The following CNTN4 variants were observed in gnomAD, a reference collection of about 807,000 sequenced individuals.
CNTN4 encodes the protein contactin-4.
CNTN4 carries 77 observed loss-of-function variants against 122.5 expected under a neutral mutation model. The ratio of observed to expected loss-of-function variants is 0.63; its 90% CI spans 0.52 to 0.76. The LOEUF (loss-of-function observed/expected upper bound fraction) is 0.76. CNTN4 is among the 30% of genes least tolerant of loss of function. The pLI, the probability that CNTN4 is intolerant of heterozygous loss-of-function variation, is 0.00. For missense variants in CNTN4, 1,256 were observed against 1,259.1 expected (o/e 1.00, Z 0.04); for synonymous variants, 512 against 447.0 (o/e 1.15, Z -1.83).
chr3:2,556,661 C>CATACGT (rs60495386), intron 3 of CNTN4, among the ~76,000 whole-genome samples: 1 of 151,768 alleles, frequency 6.6e-6, no homozygotes, highest in Non-Finnish European at 1.5e-5. Context: ...CACACACAAA[C>CATACGT]ATATAAAAAT....
intron 2 of CNTN4, among the ~76,000 whole-genome samples, chr3:2,165,700 C>G (rs947026062): frequency 6.6e-6 from 1 of 152,028 alleles, no homozygotes; most frequent in Non-Finnish European, 1.5e-5. Context: ...TACCCCCACA[C>G]CTGCCCCCTG....
At chr3:2,338,678 CAATT>C (rs2044058469) in intron 2 of CNTN4, among the ~76,000 whole-genome samples, 1 of 151,964 alleles carries the variant, frequency 6.6e-6, no homozygotes, top group African/African-American at 2.4e-5. Context: ...AATTATTTCA[CAATT>C]AAAGTTTAAG....
intron 2 of CNTN4, among the ~76,000 whole-genome samples, chr3:2,214,526 AACAG>A (rs1310211817): frequency 2.0e-5 from 3 of 152,166 alleles, no homozygotes; most frequent in Admixed American, 6.5e-5. Flanking sequence ...ATGGTAGCAA[AACAG>A]ACAGTTTCTC....
chr3:2,185,668 C>T (rs920074417), intron 2 of CNTN4, among the ~76,000 whole-genome samples: 11 of 152,118 alleles, frequency 7.2e-5, no homozygotes, highest in African/African-American at 2.7e-4. Context: ...AGAGTTTTAA[C>T]TAAGAAGAAA....
chr3:2,787,755 T>G (rs2091883304), intron 6 of CNTN4, among the ~76,000 whole-genome samples: 1 of 151,986 alleles, frequency 6.6e-6, no homozygotes, highest in Admixed American at 6.6e-5. Context: ...CAAAGTGTAC[T>G]TATCACACAG....
intron 3 of CNTN4, among the ~76,000 whole-genome samples, chr3:2,351,964 C>T (rs931510533): frequency 6.6e-5 from 10 of 152,252 alleles, no homozygotes; most frequent in African/African-American, 2.4e-4. Context: ...TTTCAAATGT[C>T]TCACCACAAA....
intron 13 of CNTN4, among the ~76,000 whole-genome samples, chr3:2,956,483 A>T (rs938518723): frequency 1.3e-5 from 2 of 152,150 alleles, no homozygotes; most frequent in African/African-American, 4.8e-5. Flanking sequence ...GATATAAAAA[A>T]TGGAAAATAG....
At chr3:2,954,101 A>G (rs368726377) in intron 13 of CNTN4, among the ~76,000 whole-genome samples, 1 of 152,208 alleles carries the variant, frequency 6.6e-6, no homozygotes, top group East Asian at 1.9e-4. Context: ...ATTTATTTAG[A>G]TGTCACACAA....
intron 4 of CNTN4, among the ~76,000 whole-genome samples, chr3:2,655,998 A>G (rs2083571767): frequency 6.6e-6 from 1 of 152,226 alleles, no homozygotes; most frequent in South Asian, 2.1e-4. Context: ...TCTGATAATT[A>G]GAGATATCTC....
chr3:2,798,532 C>T (rs1291714994), intron 6 of CNTN4, among the ~76,000 whole-genome samples: 5 of 152,000 alleles, frequency 3.3e-5, no homozygotes, highest in African/African-American at 4.8e-5. Context: ...CTTTTTGAGA[C>T]AGGGTCACAC....
chr3:2,583,180 GA>G (rs1372285499), intron 4 of CNTN4, among the ~76,000 whole-genome samples: 1 of 152,218 alleles, frequency 6.6e-6, no homozygotes, highest in African/African-American at 2.4e-5. Context: ...AGCTAGAGAA[GA>G]AAGCTTTGCT....
chr3:2,219,640 T>C (rs2038984325), intron 2 of CNTN4, among the ~76,000 whole-genome samples: 1 of 152,166 alleles, frequency 6.6e-6, no homozygotes. Flanking sequence ...ATATCTACAA[T>C]AAAATATAAT....
At chr3:2,626,911 C>T (rs1173888320) in intron 4 of CNTN4, among the ~76,000 whole-genome samples, 1 of 152,198 alleles carries the variant, frequency 6.6e-6, no homozygotes, top group Non-Finnish European at 1.5e-5. Context: ...GGATGCCATG[C>T]AAGGGCAGTA....
At chr3:2,187,835 C>T (rs1267123990) in intron 2 of CNTN4, among the ~76,000 whole-genome samples, 2 of 152,226 alleles carry the variant, frequency 1.3e-5, no homozygotes, top group Admixed American at 6.5e-5. Context: ...TTTGAGTCTG[C>T]CTCTGAAACA....
chr3:2,230,779 G>A (rs190602571), intron 2 of CNTN4, among the ~76,000 whole-genome samples: 10 of 152,158 alleles, frequency 6.6e-5, no homozygotes, highest in Non-Finnish European at 1.5e-4. Flanking sequence ...GAGCCCAGGA[G>A]TTCGAGACCA....
chr3:2,365,965 A>G (rs2045359712), intron 3 of CNTN4, among the ~76,000 whole-genome samples: 1 of 152,222 alleles, frequency 6.6e-6, no homozygotes, highest in South Asian at 2.1e-4. Flanking sequence ...CAGTGGAGCA[A>G]TTTAACTTTG....
intron 3 of CNTN4, among the ~76,000 whole-genome samples, chr3:2,417,963 C>T (rs537718766): frequency 2.2e-4 from 34 of 152,098 alleles, no homozygotes; most frequent in Admixed American, 1.7e-3. Context: ...TAAAAAGATC[C>T]GTGGTTGCCA....
intron 8 of CNTN4, among the ~76,000 whole-genome samples, chr3:2,870,597 G>C (rs1426389362): frequency 2.0e-5 from 3 of 152,132 alleles, no homozygotes; most frequent in Non-Finnish European, 4.4e-5. Flanking sequence ...CTGTATATTA[G>C]ACTGGTAAGT....
chr3:2,752,478 G>T (rs1274939762), intron 6 of CNTN4, among the ~76,000 whole-genome samples: 1 of 152,122 alleles, frequency 6.6e-6, no homozygotes, highest in Non-Finnish European at 1.5e-5. Flanking sequence ...CGATTTTACT[G>T]CCTCAGCCTC....
Sources: gnomAD v4.1 joint callset for allele counts (sites outside exome capture counted in the v4.1 genomes callset) on GRCh38, gnomAD v4.1.1 for gene constraint, MANE v1.5 for transcripts, NCBI Gene and HGNC (gene_info 2026-07-23, HGNC 2026-07-21) for gene names.